Variants in ANO3 observed in about 807,000 individuals in gnomAD.
ANO3 encodes the protein anoctamin-3.
In ANO3, 99 loss-of-function variants were observed where a neutral mutation model predicts 144.8. That is an observed-to-expected ratio of 0.68 (90% CI 0.58 to 0.81). The LOEUF (loss-of-function observed/expected upper bound fraction) is 0.81, where lower values mean the gene tolerates loss of function less well. Ranked by LOEUF, ANO3 falls within the 30% of genes least tolerant of loss-of-function variation. The pLI, the probability that ANO3 is intolerant of heterozygous loss-of-function variation, is 0.00. For synonymous variants in ANO3, 414 were observed against 392.6 expected (o/e 1.05, Z -0.64); for missense variants, 905 against 1,202.2 (o/e 0.75, Z 3.66).
intron 4 of ANO3, among the ~76,000 whole-genome samples, chr11:26,470,111 C>T (rs1360859410): frequency 6.6e-6 from 1 of 151,704 alleles, no homozygotes; most frequent in African/African-American, 2.4e-5. Flanking sequence ...TAGAAGTTAG[C>T]CAAATTTCTG....
intron 1 of ANO3, among the ~76,000 whole-genome samples, chr11:26,196,494 T>C (rs542262493): frequency 7.2e-5 from 11 of 152,288 alleles, no homozygotes; most frequent in African/African-American, 2.4e-4. Flanking sequence ...AGCAAAAGCA[T>C]TTACAGAAGT....
chr11:26,338,723 G>A (rs1287764290), intron 1 of ANO3, among the ~76,000 whole-genome samples: 1 of 151,676 alleles, frequency 6.6e-6, no homozygotes, highest in Non-Finnish European at 1.5e-5. Context: ...AACTCCAGAC[G>A]TGCCACCTTT....
intron 4 of ANO3, among the ~76,000 whole-genome samples, chr11:26,477,021 A>C (rs1156940676): frequency 6.6e-6 from 1 of 152,082 alleles, no homozygotes; most frequent in East Asian, 1.9e-4. Flanking sequence ...AAAAATACAC[A>C]TTATTATAAG....
intron 23 of ANO3, 36 bp from the exon 24 acceptor site, chr11:26,647,673 A>G: frequency 6.4e-7 from 1 of 1,566,170 alleles, no homozygotes; most frequent in Non-Finnish European, 8.7e-7. Context: ...CATATTCTTC[A>G]TTTTTGTTCA....
intron 14 of ANO3, among the ~76,000 whole-genome samples, chr11:26,567,792 G>C (rs185318942): frequency 4.5e-4 from 68 of 152,062 alleles, no homozygotes; most frequent in Admixed American, 1.0e-3. Flanking sequence ...TAACAGATTG[G>C]ATAATAAACT....
intron 1 of ANO3, among the ~76,000 whole-genome samples, chr11:26,280,163 A>G (rs1853646406): frequency 6.6e-6 from 1 of 152,194 alleles, no homozygotes; most frequent in African/African-American, 2.4e-5. Context: ...TCATTTTACC[A>G]CATGTGCAGA....
chr11:26,391,484 T>C (rs1164401518), intron 1 of ANO3, among the ~76,000 whole-genome samples: 4 of 152,154 alleles, frequency 2.6e-5, no homozygotes, highest in African/African-American at 9.7e-5. Flanking sequence ...AGCACAAACA[T>C]TGATTTCTGA....
chr11:26,547,618 A>C, intron 12 of ANO3, 68 bp downstream of exon 12: 1 of 1,370,610 alleles, frequency 7.3e-7, no homozygotes, highest in Non-Finnish European at 1.0e-6. Flanking sequence ...TTTAATGATA[A>C]TGCTGACTAT....
chr11:26,486,430 A>AT (rs984725458), intron 4 of ANO3, among the ~76,000 whole-genome samples: 22 of 151,770 alleles, frequency 1.4e-4, no homozygotes, highest in Non-Finnish European at 2.2e-4. Flanking sequence ...AAAACTATAC[A>AT]TTTTTTATAT....
intron 14 of ANO3, chr11:26,565,853 C>T: frequency 6.2e-7 from 1 of 1,610,790 alleles, no homozygotes; most frequent in Non-Finnish European, 8.5e-7. Flanking sequence ...TGGCTAAGGC[C>T]AACATTGTAG....
chr11:26,610,032 C>G (rs760229426), intron 17 of ANO3, among the ~76,000 whole-genome samples: 4 of 152,232 alleles, frequency 2.6e-5, no homozygotes, highest in Non-Finnish European at 5.9e-5. Flanking sequence ...CTGCCTCAGC[C>G]TCCAGAGTAG....
At chr11:26,280,368 A>G (rs1853651087) in intron 1 of ANO3, among the ~76,000 whole-genome samples, 1 of 152,134 alleles carries the variant, frequency 6.6e-6, no homozygotes, top group Admixed American at 6.5e-5. Context: ...TTTAAGGCAT[A>G]TTGACTCACA....
intron 1 of ANO3, among the ~76,000 whole-genome samples, chr11:26,198,801 A>G (rs572944590): frequency 6.6e-6 from 1 of 152,144 alleles, no homozygotes; most frequent in African/African-American, 2.4e-5. Flanking sequence ...CTGCCTTCCA[A>G]TGCAGACTTC....
rs7929611 is a variant in ANO3, at chr11:26,634,077, T to C, written c.1874-127T>C. On this transcript the variant is annotated intron_variant, in intron 18 of 26. Coordinates refer to ENST00000256737, the MANE Select transcript of ANO3 (RefSeq NM_031418.4). ...TGGGCAACAGAGAGTGAGACTCCAT[T>C]TCCAAAAAAAAAAAAAAAAAATTAA... 0.45 allele frequency: 184,159 copies of C among 410,276 alleles called. 39,263 individuals are homozygous for C. Among genetic ancestry groups the C allele is most frequent in the Non-Finnish European group, 0.49 (115,276 of 236,022 alleles). 25.4% of individuals were successfully genotyped at this position (410,276 alleles called of 1,614,324 possible). A position where few individuals can be genotyped will look rare whatever the true frequency, so the allele number is the denominator to read the frequency against.
At chr11:26,444,056 CAAAT>C (rs1858622151) in intron 3 of ANO3, among the ~76,000 whole-genome samples, 1 of 152,016 alleles carries the variant, frequency 6.6e-6, no homozygotes, top group Admixed American at 6.6e-5. Context: ...CTCATAATAA[CAAAT>C]AACAATTTTT....
chr11:26,560,087 C>A, intron 14 of ANO3: 1 of 257,208 alleles, frequency 3.9e-6, no homozygotes, highest in Non-Finnish European at 7.4e-6. Flanking sequence ...AATTAATCTT[C>A]TTATATTATT....
At chr11:26,654,633 G>A (rs1158010920) in intron 24 of ANO3, among the ~76,000 whole-genome samples, 1 of 152,058 alleles carries the variant, frequency 6.6e-6, no homozygotes, top group South Asian at 2.1e-4. Context: ...ATGTTGAATA[G>A]AAATAGTTAC....
chr11:26,312,337 T>C (rs575604435), intron 1 of ANO3, among the ~76,000 whole-genome samples: 1 of 152,376 alleles, frequency 6.6e-6, no homozygotes, highest in South Asian at 2.1e-4. Context: ...CAGCATGATT[T>C]GTAATCCTTT....
At chr11:26,534,029 G>A (rs1320302513) in intron 8 of ANO3, among the ~76,000 whole-genome samples, 1 of 152,060 alleles carries the variant, frequency 6.6e-6, no homozygotes, top group Non-Finnish European at 1.5e-5. Flanking sequence ...CTTCCCATGG[G>A]GACAATAATA....
Sources: allele counts gnomAD v4.1 joint callset (sites outside exome capture counted in the v4.1 genomes callset), GRCh38; gene constraint gnomAD v4.1.1; transcripts MANE v1.5; gene names NCBI Gene and HGNC (gene_info 2026-07-23, HGNC 2026-07-21).